The following ZNF541 variants were observed in gnomAD, a reference collection of about 807,000 sequenced individuals.
ZNF541 encodes the protein zinc finger protein 541.
In ZNF541, 23 loss-of-function variants were observed where a neutral mutation model predicts 123.5. The observed-to-expected ratio is 0.19, with a 90% CI of 0.13 to 0.26. The LOEUF is 0.26. ZNF541 is among the 10% of genes least tolerant of loss of function. ZNF541 has a pLI of 1.00. For missense variants in ZNF541, 1,612 were observed against 1,789.9 expected (o/e 0.90, Z 1.79); for synonymous variants, 751 against 754.5 (o/e 1.00, Z 0.08).
chr19:47,564,034 A>C (rs1971168916), intron 2 of ZNF541, among the ~76,000 whole-genome samples: 2 of 152,166 alleles, frequency 1.3e-5, no homozygotes, highest in Non-Finnish European at 2.9e-5. Flanking sequence ...AGAGAGACTA[A>C]TTTGTCCAAA....
rs954984382 is a variant in ZNF541, at chr19:47,545,142, C to G, written c.1387G>C (p.Gly463Arg). Residue 463 changes from glycine to arginine, a missense_variant, in exon 5 of 17, where the codon GGC becomes CGC. Physicochemically the swap from Gly to Arg is moderately radical, Grantham distance 125. Coordinates refer to ENST00000391901, the MANE Select transcript of ZNF541 (RefSeq NM_001277075.3). The surrounding 1 kb of genome is among the most constrained non-coding windows in gnomAD (Gnocchi z 7.5). ...GCATCCTCCAGGCCACCGCCGGGGC[C>G]GGGCGGGGACTCCTCCGAGGGGCTT... ...SGSPSEESPP[G>R]PGGGLEDALP... The G allele has an allele frequency of 4.1e-6, 6 of 1,479,932 alleles. No homozygotes were observed. The African/African-American group carries it at 8.4e-5, about 21-fold the overall frequency. 91.7% of individuals were successfully genotyped at this position (1,479,932 alleles called of 1,614,324 possible).
At chr19:47,536,624 G>A (rs916312018) in intron 9 of ZNF541, among the ~76,000 whole-genome samples, 3 of 152,090 alleles carry the variant, frequency 2.0e-5, no homozygotes, top group Non-Finnish European at 4.4e-5. Flanking sequence ...GCCAGGCATG[G>A]GGGTGCATGC....
At position 47,544,183 on chromosome 19, in the gene ZNF541, C is replaced by T. The variant is rs1159720558; in HGVS notation, c.2346G>A (p.Ser782=). The change falls in exon 5 of 17, where the codon TCG becomes TCA. Residue 782 remains serine (S), a synonymous_variant. Transcript: ENST00000391901. The part of the protein sequence containing the change: ...PSQVAMASFS[S]AGPPADPSKS... ...TGGAGGGATCTGCCGGGGGCCCGGC[C>T]GATGAGAAGGAGGCCATGGCTACCT... The T allele has an allele frequency of 6.4e-6, 10 of 1,551,568 alleles. No individual in the cohort carries two copies. The South Asian group carries it at 8.3e-5, about 13-fold the overall frequency.
intron 12 of ZNF541, among the ~76,000 whole-genome samples, chr19:47,530,250 C>T (rs935777464): frequency 6.6e-6 from 1 of 151,398 alleles, no homozygotes. Flanking sequence ...CTCACTGCAG[C>T]CTCCACCTCC....
chr19:47,545,446 G>A lies in ZNF541; in HGVS notation c.1083C>T (p.Gly361=), dbSNP rs1278109977. The change falls in exon 5 of 17, where the codon GGC becomes GGT. Residue 361 remains glycine, a synonymous_variant. Transcript: ENST00000391901. The surrounding 1 kb of genome is among the most constrained non-coding windows in gnomAD (Gnocchi z 7.5). ...GCTCCGGCTCTGGCGGGTCGGGGGC[G>A]CCGTTCTCGGCGGCCCTGGAATTAG... ...TAPNSRAAEN[G]APDPPEPEPD... is the part of the protein sequence containing the mutation. 2.0e-6 allele frequency: 3 copies of A among 1,474,756 alleles called. No individual in the cohort carries two copies. The highest frequency in any genetic ancestry group is 2.8e-5 in the African/African-American group (2 of 70,514). The allele number at this position is 1,474,756 out of a possible 1,614,324, so 91.4% of individuals were successfully genotyped here.
At chr19:47,567,068 T>TAAATA (rs1555778980) in intron 2 of ZNF541, among the ~76,000 whole-genome samples, 1 of 151,248 alleles carries the variant, frequency 6.6e-6, no homozygotes, top group Non-Finnish European at 1.5e-5. Flanking sequence ...AATAAATAAA[T>TAAATA]AAATAAAATA....
intron 2 of ZNF541, among the ~76,000 whole-genome samples, chr19:47,559,849 CAA>C (rs36037649): frequency 0.022 from 1,905 of 86,908 alleles, 24 homozygotes; most frequent in Middle Eastern, 0.09. Context: ...GACTCTGTCT[CAA>C]AAAAAAAAAA....
At chr19:47,542,729 C>T (rs1342179834) in intron 5 of ZNF541, among the ~76,000 whole-genome samples, 4 of 151,894 alleles carry the variant, frequency 2.6e-5, no homozygotes, top group African/African-American at 9.7e-5. Context: ...GGGTGGATCA[C>T]GAGGTCAGGA....
chr19:47,569,480 G>A (rs942013335), intron 2 of ZNF541, among the ~76,000 whole-genome samples: 1 of 151,956 alleles, frequency 6.6e-6, no homozygotes, highest in Non-Finnish European at 1.5e-5. Context: ...AAACCCTTAC[G>A]CTTGCCCGCT....
chr19:47,562,194 A>G (rs533365302), intron 2 of ZNF541, among the ~76,000 whole-genome samples: 4 of 152,206 alleles, frequency 2.6e-5, no homozygotes, highest in Admixed American at 2.0e-4. Flanking sequence ...GGCTGCAGTG[A>G]GCCAAGATCG....
intron 3 of ZNF541, 94 bp downstream of exon 3, chr19:47,555,456 T>G: frequency 1.5e-6 from 2 of 1,306,298 alleles, no homozygotes. Context: ...GAGGGAAAAA[T>G]TTTCTTAACC....
At chr19:47,558,687 G>C (rs1475298069) in intron 2 of ZNF541, among the ~76,000 whole-genome samples, 3 of 150,132 alleles carry the variant, frequency 2.0e-5, no homozygotes, top group Non-Finnish European at 4.4e-5. Context: ...TCCGCCTCCC[G>C]GGTTTAAGCA....
chr19:47,541,955 A>G (rs1970097311), intron 5 of ZNF541, among the ~76,000 whole-genome samples: 1 of 152,244 alleles, frequency 6.6e-6, no homozygotes, highest in Admixed American at 6.5e-5. Flanking sequence ...CATATTCAAA[A>G]TAGCCAAAAA....
At chr19:47,561,367 A>G (rs748839974) in intron 2 of ZNF541, among the ~76,000 whole-genome samples, 6 of 151,918 alleles carry the variant, frequency 3.9e-5, no homozygotes, top group Non-Finnish European at 5.9e-5. Flanking sequence ...GAGCCCAAGA[A>G]TTGGAGGCTT....
At chr19:47,528,036 C>T (rs1423566633) in intron 14 of ZNF541, among the ~76,000 whole-genome samples, 3 of 136,800 alleles carry the variant, frequency 2.2e-5, no homozygotes, top group East Asian at 2.4e-4. Context: ...AGTCCTGGGC[C>T]GGGCGCCGTG....
chr19:47,570,953 G>GA (rs1177185933), intron 2 of ZNF541, among the ~76,000 whole-genome samples: 154 of 87,042 alleles, frequency 1.8e-3, no homozygotes, highest in Middle Eastern at 6.0e-3. Flanking sequence ...ATCTCAAAAA[G>GA]AAAAAAAAAA....
intron 12 of ZNF541, among the ~76,000 whole-genome samples, chr19:47,530,596 G>A (rs1164098663): frequency 2.0e-5 from 3 of 152,118 alleles, no homozygotes; most frequent in Non-Finnish European, 4.4e-5. Context: ...GGGGCCCACT[G>A]CAAAATGAAG....
At chr19:47,534,351 G>T (rs1461249814) in intron 9 of ZNF541, among the ~76,000 whole-genome samples, 1 of 151,902 alleles carries the variant, frequency 6.6e-6, no homozygotes, top group African/African-American at 2.4e-5. Flanking sequence ...GAGACAGAAA[G>T]AAATATCTAA....
chr19:47,544,243 C>T lies in ZNF541; in HGVS notation c.2286G>A (p.Ala762=), dbSNP rs556413439. Residue 762 remains alanine, a synonymous_variant, in exon 5 of 17, where the codon GCG becomes GCA. Coordinates refer to ENST00000391901, the MANE Select transcript of ZNF541 (RefSeq NM_001277075.3). ...PRFSGFRKEK[A]KMDMCCAASP... ...AAGCCGCACAGCACATATCCATCTT[C>T]GCCTTCTCTTTCCGGAAGCCGGAGA... 3.2e-6 allele frequency: 5 copies of T among 1,551,614 alleles called. No individual in the cohort carries two copies. The highest frequency in any genetic ancestry group is 2.4e-5 in the East Asian group (1 of 40,904).
Sources: gnomAD v4.1 joint callset for allele counts (sites outside exome capture counted in the v4.1 genomes callset) on GRCh38, gnomAD v4.1.1 for gene constraint, Gnocchi (gnomAD v3.1) non-coding constraint, MANE v1.5 for transcripts, NCBI Gene and HGNC (gene_info 2026-07-23, HGNC 2026-07-21) for gene names.